The following ZNF438 variants were observed in gnomAD, a reference collection of about 807,000 sequenced individuals.
ZNF438 encodes zinc finger protein 438.
A neutral mutation model predicts 38.0 loss-of-function variants in ZNF438; 25 were observed. The observed-to-expected ratio is 0.66, with a 90% confidence interval of 0.48 to 0.92. The LOEUF (loss-of-function observed/expected upper bound fraction) is 0.92, where lower values mean the gene tolerates loss of function less well. Among genes scored for constraint, ZNF438 ranks in the 40% least tolerant of loss-of-function variants. The probability of loss-of-function intolerance (pLI) is 0.00; values close to 1 mark genes in which losing one functional copy is unlikely to be tolerated. For synonymous variants in ZNF438, 372 were observed against 364.1 expected (o/e 1.02, Z -0.25); for missense variants, 1,007 against 999.6 (o/e 1.01, Z -0.10).
chr10:30,907,166 G>A (rs999941180), intron 3 of ZNF438, among the ~76,000 whole-genome samples: 12 of 152,136 alleles, frequency 7.9e-5, no homozygotes, highest in South Asian at 2.1e-4. Context: ...GTAGAGACGC[G>A]GTTTCACCAT....
chr10:30,904,686 T>G (rs945381624), intron 3 of ZNF438, among the ~76,000 whole-genome samples: 1 of 152,186 alleles, frequency 6.6e-6, no homozygotes, highest in African/African-American at 2.4e-5. Flanking sequence ...CCCCTCACTT[T>G]CTTTGTCTCA....
intron 3 of ZNF438, among the ~76,000 whole-genome samples, chr10:30,908,281 T>C (rs962843887): frequency 6.6e-6 from 1 of 152,208 alleles, no homozygotes; most frequent in African/African-American, 2.4e-5. Context: ...TTGAGGCTAA[T>C]TTTATGTCCT....
chr10:30,978,820 A>G (rs11008320), intron 1 of ZNF438, among the ~76,000 whole-genome samples: 61,008 of 152,110 alleles, frequency 0.4, 12,487 homozygotes, highest in Admixed American at 0.44. Context: ...CAAAATGGTA[A>G]ATGAACATTG....
chr10:31,028,233 G>A (rs991221713), intron 1 of ZNF438, among the ~76,000 whole-genome samples: 5 of 151,946 alleles, frequency 3.3e-5, no homozygotes, highest in African/African-American at 9.7e-5. Flanking sequence ...CACTTAAACC[G>A]GTGGAAACCT....
At chr10:30,915,103 A>T (rs1052885646) in intron 2 of ZNF438, among the ~76,000 whole-genome samples, 2 of 152,096 alleles carry the variant, frequency 1.3e-5, no homozygotes, top group Non-Finnish European at 2.9e-5. Context: ...ATCATTTGAC[A>T]GTTTTTAAGC....
chr10:31,032,360 A>G (rs116853492), upstream of ZNF438, among the ~76,000 whole-genome samples: 4,238 of 152,028 alleles, frequency 0.028, 77 homozygotes, highest in Middle Eastern at 0.041. Context: ...CAGCTCTCCC[A>G]GGGTCCCTCG....
At chr10:30,879,299 G>A (rs2133741785) in intron 3 of ZNF438, among the ~76,000 whole-genome samples, 1 of 152,324 alleles carries the variant, frequency 6.6e-6, no homozygotes, top group African/African-American at 2.4e-5. Flanking sequence ...ATTCTAAACT[G>A]TGCATTTCTC....
intron 3 of ZNF438, among the ~76,000 whole-genome samples, chr10:30,897,703 A>T (rs1208806331): frequency 6.6e-6 from 1 of 152,220 alleles, no homozygotes; most frequent in Non-Finnish European, 1.5e-5. Context: ...TTAAAGCAGC[A>T]AGGTCATTTC....
At chr10:30,849,754 A>G (rs1212800831) in exon 5 of ZNF438, 10 of 1,614,162 alleles carry the variant, frequency 6.2e-6, no homozygotes, top group Admixed American at 1.7e-5. Context: ...CTGGGGTAGC[A>G]GGAGGGTTCA....
intron 3 of ZNF438, among the ~76,000 whole-genome samples, chr10:30,900,711 G>A (rs72814451): frequency 0.01 from 1,556 of 152,270 alleles, 10 homozygotes; most frequent in Non-Finnish European, 0.018. Flanking sequence ...CACGTACTGG[G>A]TTCTGCCCTC....
chr10:30,946,065 T>G (rs1361009348), intron 1 of ZNF438, among the ~76,000 whole-genome samples: 1 of 148,320 alleles, frequency 6.7e-6, no homozygotes, highest in Non-Finnish European at 1.5e-5. Flanking sequence ...CCAGCACCTG[T>G]TGTTTCCTGA....
intron 1 of ZNF438, among the ~76,000 whole-genome samples, chr10:30,963,172 A>G (rs1353653519): frequency 2.0e-5 from 3 of 152,106 alleles, no homozygotes; most frequent in Non-Finnish European, 4.4e-5. Flanking sequence ...TGGGCAGATC[A>G]CCTGAAGTCA....
chr10:30,848,507 G>C, intron 5 of ZNF438, 24 bp downstream of exon 6: 1 of 1,585,314 alleles, frequency 6.3e-7, no homozygotes, highest in Non-Finnish European at 8.6e-7. Flanking sequence ...TCTCTTGCCA[G>C]GTCTCCATTA....
At chr10:30,949,601 C>A (rs1050019202) in intron 1 of ZNF438, among the ~76,000 whole-genome samples, 1 of 152,136 alleles carries the variant, frequency 6.6e-6, no homozygotes, top group African/African-American at 2.4e-5. Context: ...GGTTGTAATA[C>A]TAGTCTCTGA....
chr10:30,850,186 C>T (rs144420634), exon 5 of ZNF438: 2 of 1,614,010 alleles, frequency 1.2e-6, no homozygotes, highest in African/African-American at 1.3e-5. Context: ...TGGACATCCC[C>T]AGCAGCTTGG....
At chr10:30,870,858 A>G (rs1299116317) in intron 4 of ZNF438, among the ~76,000 whole-genome samples, 1 of 152,170 alleles carries the variant, frequency 6.6e-6, no homozygotes, top group Non-Finnish European at 1.5e-5. Flanking sequence ...TTTGACTGTT[A>G]CAGGATGAGA....
intron 5 of ZNF438, 122 bp from the exon 7 acceptor site, chr10:30,845,695 G>A: frequency 8.2e-7 from 1 of 1,216,734 alleles, no homozygotes; most frequent in Non-Finnish European, 1.1e-6. Flanking sequence ...CAAGGGCTGG[G>A]GTAAACAGAG....
chr10:30,935,870 G>A (rs944583254), intron 2 of ZNF438, among the ~76,000 whole-genome samples: 1 of 152,078 alleles, frequency 6.6e-6, no homozygotes, highest in Non-Finnish European at 1.5e-5. Flanking sequence ...CAGCATGGGG[G>A]AACTGCCCCA....
chr10:30,893,609 T>G (rs1464226215), intron 3 of ZNF438, among the ~76,000 whole-genome samples: 1 of 152,220 alleles, frequency 6.6e-6, no homozygotes, highest in Non-Finnish European at 1.5e-5. Context: ...AAGATGATTT[T>G]ATAGTGTAAA....
Sources: gnomAD v4.1 joint callset for allele counts (sites outside exome capture counted in the v4.1 genomes callset) on GRCh38, gnomAD v4.1.1 for gene constraint, MANE v1.5 for transcripts, NCBI Gene and HGNC (gene_info 2026-07-23, HGNC 2026-07-21) for gene names.